The following FUOM variants were observed in gnomAD, a reference collection of about 807,000 sequenced individuals.
FUOM encodes fucose mutarotase.
A neutral mutation model predicts 18.3 loss-of-function variants in FUOM; 19 were observed. The observed-to-expected ratio is 1.04, with a 90% CI of 0.73 to 1.53. The LOEUF is 1.53. FUOM is among the 40% of genes most tolerant of loss of function. FUOM has a pLI of 0.00. For missense variants in FUOM, 210 were observed against 200.9 expected (o/e 1.04, Z -0.27); for synonymous variants, 102 against 87.9 (o/e 1.16, Z -0.90).
rs1256431896 is a variant in FUOM at position 133,357,234 on chromosome 10, G to A, written c.107C>T (p.Pro36Leu). 3 of 1,581,614 alleles carry A rather than the reference G, an allele frequency of 1.9e-6. No individual in the cohort carries two copies. The highest frequency in any genetic ancestry group is 2.7e-5 in the African/African-American group (2 of 73,936). The change falls in exon 2 of 6, where the codon CCG (proline) becomes CTG (leucine). Residue 36 changes from proline (P) to leucine (L), a missense_variant. By Grantham distance (98) the Pro-to-Leu change is moderately conservative (BLOSUM62 -3). Coordinates refer to ENST00000278025, the MANE Select transcript of FUOM (RefSeq NM_001098483.3). ...DEIVLADLNF[P>L]ASSICQCGPM... The stretch of plus-strand genomic sequence containing the variant: ...CCCACACTGGCAGATGGAGGAGGCC[G>A]GGAAGTTCAAGTCCGCAAGAACTAA...
At chr10:133,356,270 G>A (rs1379560649) in intron 4 of FUOM, among the ~76,000 whole-genome samples, 1 of 152,236 alleles carries the variant, frequency 6.6e-6, no homozygotes, top group Non-Finnish European at 1.5e-5. Flanking sequence ...CCATAGCCAG[G>A]ATGGGGCGAG....
At position 133,357,965 on chromosome 10, in the gene FUOM, G is replaced by A; in HGVS notation, c.43C>T (p.Leu15=). 6.6e-7 allele frequency: 1 copy of A among 1,524,034 alleles called. No individual in the cohort carries two copies. The highest frequency in any genetic ancestry group is 2.6e-5 in the East Asian group (1 of 38,028). The allele number at this position is 1,524,034 out of a possible 1,614,324, so 94.4% of individuals were successfully genotyped here. A position where few individuals can be genotyped will look rare whatever the true frequency, so the allele number is the denominator to read the frequency against. The change falls in exon 1 of 6, where the codon CTG becomes TTG. Residue 15 remains leucine (L), a synonymous_variant. Coordinates refer to ENST00000278025, the MANE Select transcript of FUOM (RefSeq NM_001098483.3). ...CCCATCCGCGCCAGCGCGTAGAGCA[G>A]CTCGGGGGACAGCAGTGCGGGGACA... The part of the protein sequence containing the change: ...KGVPALLSPE[L]LYALARMGHG...
In FUOM at chr10:133,357,936, G is replaced by A. The variant is rs1347946646; in HGVS notation, c.72C>T (p.His24=). 4 of 1,525,320 alleles carry A rather than the reference G, an allele frequency of 2.6e-6. No homozygotes were observed. Among genetic ancestry groups the A allele is most frequent in the South Asian group, 2.4e-5 (2 of 82,678 alleles). 94.5% of individuals were successfully genotyped at this position (1,525,320 alleles called of 1,614,324 possible). The stretch of plus-strand genomic sequence containing the variant: ...CGCTGCGCTCACCGATCTCGTCCCC[G>A]TGCCCCATCCGCGCCAGCGCGTAGA... ...ELLYALARMG[H]GDEIVLADLN... The change falls in exon 1 of 6, where the codon CAC becomes CAT. Residue 24 remains histidine, a synonymous_variant. Transcript: ENST00000278025.
chr10:133,354,652 G>A (rs1419763067), downstream of FUOM, among the ~76,000 whole-genome samples: 1 of 152,178 alleles, frequency 6.6e-6, no homozygotes, highest in Non-Finnish European at 1.5e-5. Context: ...CATCCCATGG[G>A]CAAGCCTCCC....
Position 133,357,016 on chromosome 10 carries a change from G to A in FUOM, c.155-3C>T, listed in dbSNP as rs941036268. On this transcript the variant is annotated splice_polypyrimidine_tract_variant and splice_region_variant and intron_variant, in intron 2 of 5. Coordinates refer to ENST00000278025, the MANE Select transcript of FUOM (RefSeq NM_001098483.3). ...CAGGAGCTGCGGGATGCCCAGGCCT[G>A]GAGGGCAGAGGAGGCAGCACTCAGT... 2.1e-5 allele frequency: 33 copies of A among 1,549,698 alleles called. No homozygotes were observed. Among genetic ancestry groups the A allele is most frequent in the African/African-American group, 2.7e-5 (2 of 73,032 alleles).
intron 1 of FUOM, 126 bp downstream of exon 1, chr10:133,357,797 C>T: frequency 3.0e-6 from 2 of 664,514 alleles, no homozygotes; most frequent in Non-Finnish European, 4.8e-6. Context: ...TGCCCGGAAG[C>T]CAGGGAGGCC....
chr10:133,355,858 C>A (rs751678046), intron 4 of FUOM, 47 bp from the exon 5 acceptor site: 1 of 1,512,714 alleles, frequency 6.6e-7, no homozygotes, highest in East Asian at 2.3e-5. Context: ...CCAAGAAACC[C>A]TCATGGGCCA....
chr10:133,355,748 C>G lies in FUOM; in HGVS notation c.388G>C (p.Val130Leu), dbSNP rs767237142. Residue 130 changes from valine (V) to leucine (L), a missense_variant, in exon 5 of 6, where the codon GTG becomes CTG. Physicochemically the swap from Val to Leu is conservative, Grantham distance 32 (BLOSUM62 1). Coordinates refer to ENST00000278025, the MANE Select transcript of FUOM (RefSeq NM_001098483.3). ...CCAGCTGGAACTCACCCCGTTGCCA[C>G]AACAGCAAAAGCCTTCTTAGCCCGT... ...YERAKKAFAV[V>L]ATGETALYGN... 6.2e-7 allele frequency: 1 copy of G among 1,613,356 alleles called. No individual in the cohort carries two copies. Among genetic ancestry groups the G allele is most frequent in the Non-Finnish European group, 8.5e-7 (1 of 1,179,984 alleles).
chr10:133,357,772 G>T (rs1848857559), intron 1 of FUOM, 151 bp downstream of exon 1: 3 of 576,106 alleles, frequency 5.2e-6, no homozygotes, highest in Non-Finnish European at 8.9e-6. Flanking sequence ...AAAGAATGCG[G>T]GGGAGGGGGC....
In FUOM at chr10:133,355,814, G is replaced by A; in HGVS notation, c.325-3C>T. 1.2e-6 allele frequency: 2 copies of A among 1,612,510 alleles called. No individual in the cohort carries two copies. Among genetic ancestry groups the A allele is most frequent in the Non-Finnish European group, 1.7e-6 (2 of 1,179,580 alleles). ...CTCTCTATCTTTGCCAGGGCTCTCTGGAAGACAAAATGGCAGGGTTGGAGG... is the reference window on the plus strand; with the variant it reads ...CTCTCTATCTTTGCCAGGGCTCTCTAGAAGACAAAATGGCAGGGTTGGAGG... On this transcript the variant is annotated splice_region_variant and splice_polypyrimidine_tract_variant and intron_variant, in intron 4 of 5. Transcript: ENST00000278025.
chr10:133,356,855 C>T (rs999309256), intron 3 of FUOM, 88 bp downstream of exon 3: 8 of 1,467,954 alleles, frequency 5.4e-6, no homozygotes, highest in African/African-American at 2.8e-5. Flanking sequence ...GGCTTCCCCC[C>T]ACTCCAAGGC....
At chr10:133,356,914 G>T in intron 3 of FUOM, 29 bp downstream of exon 3, 1 of 1,546,028 alleles carries the variant, frequency 6.5e-7, no homozygotes, top group Non-Finnish European at 8.7e-7. Context: ...GCACGGAGCA[G>T]CAGGGTGCAG....
downstream of FUOM, chr10:133,355,125 A>G (rs1324377291): frequency 3.5e-6 from 2 of 568,656 alleles, no homozygotes. Flanking sequence ...TGAGCTCAGC[A>G]CCAAACAAGC....
rs1318141304 is a variant in FUOM, at chr10:133,356,327, G to A, written c.324+313C>T. Among the ~76,000 whole-genome samples, 4 of 152,222 alleles carry A rather than the reference G, an allele frequency of 2.6e-5. No individual in the cohort carries two copies. In the East Asian group the frequency reaches 7.7e-4, roughly 29 times the overall value. On this transcript the variant is annotated intron_variant, in intron 4 of 5. Transcript: ENST00000278025. ...CCCTCCAGGGGAGATTGAGGAGGTGGAGGCCAGGCATCCTGAGTCCCCCAG... is the reference window on the plus strand; with the variant it reads ...CCCTCCAGGGGAGATTGAGGAGGTGAAGGCCAGGCATCCTGAGTCCCCCAG...
At chr10:133,356,844 T>G (rs1477880754) in intron 3 of FUOM, 99 bp downstream of exon 3, 1 of 1,450,400 alleles carries the variant, frequency 6.9e-7, no homozygotes, top group Non-Finnish European at 9.4e-7. Context: ...TGGGGACACA[T>G]GGCTTCCCCC....
Position 133,355,159 on chromosome 10 carries a change from T to C in FUOM, c.*211A>G. On this transcript the variant is annotated 3_prime_UTR_variant, in exon 6 of 6. Transcript: ENST00000278025. ...GCCTGCGTGAGAACAGAGCTGGAAT[T>C]GGACTCTTGAGACTGAACGTTTTTC... 6.6e-6 allele frequency: 4 copies of C among 606,302 alleles called. No homozygotes were observed. The South Asian group carries it at 8.2e-5, about 12-fold the overall frequency. 37.6% of individuals were successfully genotyped at this position (606,302 alleles called of 1,614,324 possible).
chr10:133,355,653 A>G, intron 5 of FUOM, 85 bp downstream of exon 5: 1 of 1,545,066 alleles, frequency 6.5e-7, no homozygotes, highest in Non-Finnish European at 8.9e-7. Flanking sequence ...GGGTAGGGGC[A>G]GCTCCTGAGG....
chr10:133,356,030 T>C (rs977743084), intron 4 of FUOM, among the ~76,000 whole-genome samples: 1 of 152,182 alleles, frequency 6.6e-6, no homozygotes, highest in East Asian at 1.9e-4. Flanking sequence ...CTGCCATGCT[T>C]GGGTCTCTGC....
downstream of FUOM, among the ~76,000 whole-genome samples, chr10:133,354,773 C>T (rs761445530): frequency 6.7e-6 from 1 of 149,836 alleles, no homozygotes; most frequent in Admixed American, 6.6e-5. Flanking sequence ...AGGCTTTCAG[C>T]GGGAGGCCAC....
Sources: gnomAD v4.1 joint callset for allele counts (sites outside exome capture counted in the v4.1 genomes callset) on GRCh38, gnomAD v4.1.1 for gene constraint, MANE v1.5 for transcripts, NCBI Gene and HGNC (gene_info 2026-07-23, HGNC 2026-07-21) for gene names.